TENM2: variants seen among roughly 807,000 people sequenced by gnomAD.
TENM2 encodes the protein teneurin-2.
A neutral mutation model predicts 245.2 loss-of-function variants in TENM2; 52 were observed. That is an observed-to-expected ratio of 0.21 (90% CI 0.17 to 0.27). TENM2 has a LOEUF of 0.27. Among genes scored for constraint, TENM2 ranks in the 10% least tolerant of loss-of-function variants. TENM2 has a pLI of 1.00. For missense variants in TENM2, 3,046 were observed against 3,666.8 expected (o/e 0.83, Z 4.37); for synonymous variants, 1,363 against 1,438.9 (o/e 0.95, Z 1.19).
At chr5:168,194,693 A>G (rs546374124) in intron 14 of TENM2, among the ~76,000 whole-genome samples, 1 of 152,104 alleles carries the variant, frequency 6.6e-6, no homozygotes, top group Non-Finnish European at 1.5e-5. Context: ...GCAAAAGACA[A>G]TGCATGTGTA....
intron 2 of TENM2, among the ~76,000 whole-genome samples, chr5:167,422,032 C>T (rs1357511849): frequency 6.6e-6 from 1 of 152,130 alleles, no homozygotes; most frequent in Non-Finnish European, 1.5e-5. Context: ...CCTTGTGATC[C>T]ACCTGCCTCA....
rs115026400 is a variant in TENM2, at chr5:168,197,156, C to T, written c.2901-1697C>T. ...AACTATCCCCAGCAGTGTGCATGCC[C>T]GATAAATAAGCACATAAATAAAGTA... is the stretch of plus-strand genomic sequence containing the variant. On this transcript the variant is annotated intron_variant, in intron 15 of 28. Transcript: ENST00000518659. Among the ~76,000 whole-genome samples, 611 of 152,232 alleles carry T rather than the reference C, an allele frequency of 4.0e-3. 4 individuals are homozygous for T. The highest frequency in any genetic ancestry group is 6.7e-3 in the Non-Finnish European group (454 of 68,026).
intron 3 of TENM2, chr5:167,952,349 C>A (rs1364412635): frequency 5.1e-6 from 3 of 584,734 alleles, no homozygotes; most frequent in Non-Finnish European, 9.1e-6. Flanking sequence ...CCTGGTTTTG[C>A]TAAATTAGTT....
the TENM2 span, among the ~76,000 whole-genome samples, chr5:167,031,689 C>T: frequency 1.3e-5 from 2 of 152,014 alleles, no homozygotes; most frequent in African/African-American, 2.4e-5. Flanking sequence ...CTCAGCCTCC[C>T]GAGTAGCTGG....
the TENM2 span, among the ~76,000 whole-genome samples, chr5:167,219,273 T>C: frequency 6.6e-6 from 1 of 151,848 alleles, no homozygotes; most frequent in Non-Finnish European, 1.5e-5. Flanking sequence ...GTGCTCCAGC[T>C]TGAATGATAG....
chr5:167,575,380 G>A (rs1201904650), intron 2 of TENM2, among the ~76,000 whole-genome samples: 1 of 152,104 alleles, frequency 6.6e-6, no homozygotes, highest in Non-Finnish European at 1.5e-5. Context: ...CACTACTATG[G>A]CATTGTTGAT....
At chr5:167,470,330 A>T (rs534461008) in intron 2 of TENM2, among the ~76,000 whole-genome samples, 1 of 152,186 alleles carries the variant, frequency 6.6e-6, no homozygotes, top group East Asian at 1.9e-4. Flanking sequence ...TCAATTATAG[A>T]TCACCATTTT....
At chr5:168,105,165 C>G (rs962585434) in intron 9 of TENM2, among the ~76,000 whole-genome samples, 16 of 152,150 alleles carry the variant, frequency 1.1e-4, no homozygotes, top group African/African-American at 3.9e-4. Context: ...AAGGATCACT[C>G]CAACTGTGGA....
intron 10 of TENM2, among the ~76,000 whole-genome samples, chr5:168,119,167 G>A (rs1048627276): frequency 6.6e-6 from 1 of 152,252 alleles, no homozygotes; most frequent in Non-Finnish European, 1.5e-5. Flanking sequence ...CTAGAGGAGA[G>A]TGAGGATGCA....
intron 2 of TENM2, among the ~76,000 whole-genome samples, chr5:167,545,973 A>G (rs1433291477): frequency 1.3e-5 from 2 of 152,224 alleles, no homozygotes; most frequent in Non-Finnish European, 2.9e-5. Context: ...AAATAATAAC[A>G]TAGTTCTTTA....
chr5:167,051,393 G>A, the TENM2 span, among the ~76,000 whole-genome samples: 2 of 151,306 alleles, frequency 1.3e-5, no homozygotes, highest in African/African-American at 4.9e-5. Context: ...TTTTCGTTGA[G>A]GCTGTGATTT....
chr5:167,036,742 T>A, the TENM2 span, among the ~76,000 whole-genome samples: 4 of 152,166 alleles, frequency 2.6e-5, no homozygotes, highest in Non-Finnish European at 5.9e-5. Context: ...ATCTGGGATA[T>A]TATAGTTGTC....
At chr5:167,670,635 T>C (rs1434582228) in intron 2 of TENM2, among the ~76,000 whole-genome samples, 1 of 151,918 alleles carries the variant, frequency 6.6e-6, no homozygotes, top group Non-Finnish European at 1.5e-5. Flanking sequence ...ATACTGAGAG[T>C]CTTCATTACC....
At chr5:167,934,021 T>C (rs1778498921) in intron 3 of TENM2, among the ~76,000 whole-genome samples, 1 of 152,174 alleles carries the variant, frequency 6.6e-6, no homozygotes, top group Admixed American at 6.5e-5. Flanking sequence ...AAAGTGTAAA[T>C]ATGAATATGG....
chr5:167,581,915 G>T (rs923477148), intron 2 of TENM2, among the ~76,000 whole-genome samples: 2 of 150,518 alleles, frequency 1.3e-5, no homozygotes, highest in Non-Finnish European at 3.0e-5. Flanking sequence ...CAAAAACATT[G>T]AGAGAGAAAA....
At chr5:167,650,951 C>T (rs1436612230) in intron 2 of TENM2, among the ~76,000 whole-genome samples, 1 of 152,078 alleles carries the variant, frequency 6.6e-6, no homozygotes, top group Middle Eastern at 3.2e-3. Flanking sequence ...TCTGGAGTCA[C>T]AACTTCTACA....
chr5:168,248,804 A>G (rs1159810637), intron 27 of TENM2, among the ~76,000 whole-genome samples: 5 of 152,224 alleles, frequency 3.3e-5, no homozygotes, highest in Non-Finnish European at 7.3e-5. Context: ...ACCATCCTAC[A>G]GAGTGATCAT....
intron 2 of TENM2, among the ~76,000 whole-genome samples, chr5:167,505,338 T>A (rs767007723): frequency 6.6e-6 from 1 of 152,210 alleles, no homozygotes; most frequent in Non-Finnish European, 1.5e-5. Flanking sequence ...ATGGTTATTA[T>A]TCCTCCATTT....
At chr5:167,927,730 G>A (rs1777871212) in intron 3 of TENM2, among the ~76,000 whole-genome samples, 1 of 152,118 alleles carries the variant, frequency 6.6e-6, no homozygotes, top group Non-Finnish European at 1.5e-5. Context: ...CCAGAGTGAG[G>A]GGACTCATTA....
Sources: allele counts gnomAD v4.1 joint callset (sites outside exome capture counted in the v4.1 genomes callset), GRCh38; gene constraint gnomAD v4.1.1; transcripts MANE v1.5; gene names NCBI Gene and HGNC (gene_info 2026-07-23, HGNC 2026-07-21).